Variants in ARID3B observed in about 807,000 individuals in gnomAD.
The protein encoded by ARID3B is AT-rich interactive domain-containing protein 3B.
Under a neutral mutation model 51.9 loss-of-function variants are expected in ARID3B, and 10 were observed. The observed-to-expected ratio is 0.19, with a 90% CI of 0.12 to 0.33. ARID3B has a LOEUF of 0.33. Ranked by LOEUF, ARID3B falls within the 10% of genes least tolerant of loss-of-function variation. ARID3B has a pLI of 1.00. For missense variants in ARID3B, 483 were observed against 716.3 expected (o/e 0.67, Z 3.72); for synonymous variants, 205 against 279.5 (o/e 0.73, Z 2.66).
intron 4 of ARID3B, among the ~76,000 whole-genome samples, chr15:74,582,330 G>C (rs2061765047): frequency 6.6e-6 from 1 of 152,036 alleles, no homozygotes; most frequent in South Asian, 2.1e-4. Flanking sequence ...ACCACGTCTG[G>C]CTAATTTTTA....
chr15:74,575,902 T>C (rs2061735823), intron 4 of ARID3B, among the ~76,000 whole-genome samples: 1 of 152,224 alleles, frequency 6.6e-6, no homozygotes, highest in African/African-American at 2.4e-5. Flanking sequence ...TGTAGGATTT[T>C]GTTTTTAATT....
At chr15:74,544,690 T>C (rs952658272) in intron 2 of ARID3B, among the ~76,000 whole-genome samples, 1 of 133,240 alleles carries the variant, frequency 7.5e-6, no homozygotes, top group Non-Finnish European at 1.6e-5. Context: ...TATGTTACTC[T>C]TTTTTTTTTT....
chr15:74,576,578 G>A lies in ARID3B; in HGVS notation c.697+3374G>A, dbSNP rs147604535. On this transcript the variant is annotated intron_variant, in intron 4 of 8. Transcript: ENST00000346246. ...GGAGGCTGAGGTGGGCAAATTGCTC[G>A]AGCCGGGGACTTGGGGGCCGTCATG... Among the ~76,000 whole-genome samples the A allele has an allele frequency of 3.4e-3, 524 of 152,118 alleles. 1 individual carries two copies. The highest frequency in any genetic ancestry group is 0.01 in the Middle Eastern group (3 of 294).
chr15:74,573,229 C>A (rs761888041), intron 4 of ARID3B, 25 bp downstream of exon 4: 8 of 1,608,358 alleles, frequency 5.0e-6, no homozygotes, highest in Non-Finnish European at 6.8e-6. Context: ...ACTCATCATT[C>A]CAATTCAGGG....
intron 2 of ARID3B, among the ~76,000 whole-genome samples, chr15:74,556,285 A>C (rs2141452029): frequency 6.6e-6 from 1 of 152,330 alleles, no homozygotes; most frequent in African/African-American, 2.4e-5. Context: ...ATGGAGGAAC[A>C]GCTAGGGTGG....
At position 74,596,533 on chromosome 15, in the gene ARID3B, C is replaced by T; in HGVS notation, c.*759C>T. 1 of 233,670 alleles carries T rather than the reference C, an allele frequency of 4.3e-6. No individual in the cohort carries two copies. 14.5% of individuals were successfully genotyped at this position (233,670 alleles called of 1,614,324 possible). A position where few individuals can be genotyped will look rare whatever the true frequency, so the allele number is the denominator to read the frequency against. On this transcript the variant is annotated 3_prime_UTR_variant, in exon 9 of 9. Transcript: ENST00000346246. ...CCAAACCTCATGCTCCCCACTTGCC[C>T]TTATTGGCCTGCTTTCCCAAAAACA...
intron 2 of ARID3B, among the ~76,000 whole-genome samples, chr15:74,556,776 G>GTTT (rs1283802329): frequency 0.16 from 19,942 of 122,162 alleles, 2,231 homozygotes; most frequent in East Asian, 0.46. Flanking sequence ...TTTGTTTTTT[G>GTTT]TTTTTTTTTT....
chr15:74,586,831 GAGA>G (rs2061783598), intron 4 of ARID3B, among the ~76,000 whole-genome samples: 1 of 152,216 alleles, frequency 6.6e-6, no homozygotes, highest in African/African-American at 2.4e-5. Context: ...GAAACAATTA[GAGA>G]AGGACAATTT....
chr15:74,552,003 T>C (rs533500317), intron 2 of ARID3B, among the ~76,000 whole-genome samples: 324 of 151,494 alleles, frequency 2.1e-3, no homozygotes, highest in African/African-American at 7.7e-3. Context: ...CTTTCTATAG[T>C]CCTTCATTCT....
chr15:74,576,617 C>G (rs778584975), intron 4 of ARID3B, among the ~76,000 whole-genome samples: 1 of 151,878 alleles, frequency 6.6e-6, no homozygotes, highest in East Asian at 1.9e-4. Flanking sequence ...GCCAACATTG[C>G]GCCACTGCCC....
chr15:74,595,915 T>A lies in ARID3B; in HGVS notation c.*141T>A. 1.1e-6 allele frequency: 1 copy of A among 900,414 alleles called. No individual in the cohort carries two copies. The highest frequency in any genetic ancestry group is 1.6e-6 in the Non-Finnish European group (1 of 611,632). The allele number at this position is 900,414 out of a possible 1,614,324, so 55.8% of individuals were successfully genotyped here. ...TTGAGAGTTTGGACGTGTCCGTCTG[T>A]CCAGGCTCCATTCAGGTCCTGCTGT... is the stretch of plus-strand genomic sequence containing the variant. On this transcript the variant is annotated 3_prime_UTR_variant, in exon 9 of 9. Transcript: ENST00000346246.
At chr15:74,588,551 T>C (rs1449908709) in intron 4 of ARID3B, among the ~76,000 whole-genome samples, 1 of 152,044 alleles carries the variant, frequency 6.6e-6, no homozygotes, top group Non-Finnish European at 1.5e-5. Context: ...GAGTTTGCCA[T>C]CAAAAGGCAA....
At chr15:74,561,238 A>G (rs1478973701) in intron 2 of ARID3B, among the ~76,000 whole-genome samples, 1 of 152,182 alleles carries the variant, frequency 6.6e-6, no homozygotes, top group East Asian at 1.9e-4. Flanking sequence ...TCTATTCTTA[A>G]TACTTTATGG....
At chr15:74,543,797 T>A in intron 1 of ARID3B, 63 bp from the exon 2 acceptor site, 1 of 1,160,060 alleles carries the variant, frequency 8.6e-7, no homozygotes. Flanking sequence ...GAAACCTTTT[T>A]ATACCTGCTT....
chr15:74,591,926 G>A lies in ARID3B; in HGVS notation c.1420+112G>A. 6.8e-7 allele frequency: 1 copy of A among 1,481,328 alleles called. No homozygotes were observed. The highest frequency in any genetic ancestry group is 9.0e-7 in the Non-Finnish European group (1 of 1,105,396). 91.8% of individuals were successfully genotyped at this position (1,481,328 alleles called of 1,614,324 possible). On this transcript the variant is annotated intron_variant, in intron 7 of 8. Transcript: ENST00000346246. This position sits in a 1 kb window ranked among gnomAD's most constrained non-coding sequence, Gnocchi z 5.8. Reference sequence around the variant, plus strand: ...AGGCACATACTCCTGACCTGGAAGAGGCCCCTCCAGGTTCTGCCTTCCAGG... The same window carrying A: ...AGGCACATACTCCTGACCTGGAAGAAGCCCCTCCAGGTTCTGCCTTCCAGG...
intron 2 of ARID3B, among the ~76,000 whole-genome samples, chr15:74,548,914 T>C (rs2061625513): frequency 6.6e-6 from 1 of 152,110 alleles, no homozygotes. Flanking sequence ...TTCTTAACCA[T>C]GAGCAAAATC....
At chr15:74,558,559 A>C (rs996152928) in intron 2 of ARID3B, among the ~76,000 whole-genome samples, 1 of 147,920 alleles carries the variant, frequency 6.8e-6, no homozygotes, top group African/African-American at 2.5e-5. Flanking sequence ...TCATACATAC[A>C]AAAAAAAAAG....
At chr15:74,582,888 C>T (rs535780851) in intron 4 of ARID3B, among the ~76,000 whole-genome samples, 1 of 152,218 alleles carries the variant, frequency 6.6e-6, no homozygotes, top group South Asian at 2.1e-4. Flanking sequence ...CGGAACACTA[C>T]ACAGCCGTAG....
chr15:74,565,677 T>C (rs2141459942), intron 2 of ARID3B, among the ~76,000 whole-genome samples: 1 of 151,878 alleles, frequency 6.6e-6, no homozygotes, highest in South Asian at 2.1e-4. Context: ...AGTGCAGCTC[T>C]AAGGAATGCA....
Sources: gnomAD v4.1 joint callset for allele counts (sites outside exome capture counted in the v4.1 genomes callset) on GRCh38, gnomAD v4.1.1 for gene constraint, Gnocchi (gnomAD v3.1) non-coding constraint, MANE v1.5 for transcripts, NCBI Gene and HGNC (gene_info 2026-07-23, HGNC 2026-07-21) for gene names.